Variants in PTPRD observed in about 807,000 individuals in gnomAD.
PTPRD encodes the protein protein tyrosine phosphatase receptor type D, also known as receptor-type tyrosine-protein phosphatase delta.
Under a neutral mutation model 214.5 loss-of-function variants are expected in PTPRD, and 34 were observed. The ratio of observed to expected loss-of-function variants is 0.16; its 90% CI spans 0.12 to 0.21. The LOEUF (loss-of-function observed/expected upper bound fraction) is 0.21. PTPRD is among the 10% of genes least tolerant of loss of function. PTPRD has a pLI of 1.00. For missense variants in PTPRD, 2,545 were observed against 2,398.7 expected (o/e 1.06, Z -1.27); for synonymous variants, 1,128 against 845.7 (o/e 1.33, Z -5.79).
At chr9:10,312,298 G>A (rs1427416054) in intron 3 of PTPRD, among the ~76,000 whole-genome samples, 3 of 151,902 alleles carry the variant, frequency 2.0e-5, no homozygotes, top group Non-Finnish European at 4.4e-5. Flanking sequence ...TCCATTTGAG[G>A]CTATTTTGTA....
At chr9:10,425,232 T>A (rs1374539130) in intron 2 of PTPRD, among the ~76,000 whole-genome samples, 2 of 151,902 alleles carry the variant, frequency 1.3e-5, no homozygotes, top group Non-Finnish European at 2.9e-5. Flanking sequence ...GTTATTCAAA[T>A]GTTTGCTTCA....
At chr9:9,417,327 C>T (rs116765331) in intron 8 of PTPRD, among the ~76,000 whole-genome samples, 1,973 of 152,174 alleles carry the variant, frequency 0.013, 32 homozygotes, top group African/African-American at 0.045. Flanking sequence ...CCACAAACAT[C>T]AATAATTTTC....
At chr9:9,599,444 A>G (rs1363696155) in intron 7 of PTPRD, among the ~76,000 whole-genome samples, 3 of 152,058 alleles carry the variant, frequency 2.0e-5, no homozygotes, top group South Asian at 2.1e-4. Context: ...GATGTTCACC[A>G]TAACAGTGTT....
At chr9:9,286,073 A>G (rs967861484) in intron 9 of PTPRD, among the ~76,000 whole-genome samples, 1 of 151,776 alleles carries the variant, frequency 6.6e-6, no homozygotes, top group Non-Finnish European at 1.5e-5. Context: ...AAATGTTGTT[A>G]GTATACATAA....
chr9:9,548,637 A>T (rs1317193808), intron 8 of PTPRD, among the ~76,000 whole-genome samples: 1 of 151,812 alleles, frequency 6.6e-6, no homozygotes, highest in East Asian at 1.9e-4. Flanking sequence ...ACACTTTTAA[A>T]GTAAAGACAC....
chr9:10,203,578 T>A (rs1393836184), intron 3 of PTPRD, among the ~76,000 whole-genome samples: 2 of 152,202 alleles, frequency 1.3e-5, no homozygotes, highest in Non-Finnish European at 2.9e-5. Flanking sequence ...TTCATAGCCA[T>A]CTGCTCACAG....
At chr9:9,863,069 C>G (rs1313420630) in intron 5 of PTPRD, among the ~76,000 whole-genome samples, 1 of 152,002 alleles carries the variant, frequency 6.6e-6, no homozygotes, top group African/African-American at 2.4e-5. Context: ...ACTCATTCAA[C>G]AAAAATATTT....
intron 3 of PTPRD, among the ~76,000 whole-genome samples, chr9:10,049,249 C>T (rs756669970): frequency 4.7e-4 from 72 of 151,970 alleles, no homozygotes; most frequent in Non-Finnish European, 9.3e-4. Flanking sequence ...CCTCATTTTT[C>T]CAGGACAGAC....
intron 27 of PTPRD, among the ~76,000 whole-genome samples, chr9:8,492,649 C>A (rs2097174437): frequency 1.4e-5 from 2 of 147,440 alleles, no homozygotes; most frequent in Admixed American, 6.8e-5. Flanking sequence ...TATTGAATGA[C>A]TGATTGAATA....
intron 10 of PTPRD, among the ~76,000 whole-genome samples, chr9:9,099,224 T>C (rs181409626): frequency 6.6e-6 from 1 of 152,304 alleles, no homozygotes; most frequent in Non-Finnish European, 1.5e-5. Context: ...GCAATCCACG[T>C]AGATTAAAAC....
In PTPRD at chr9:8,567,759, T is replaced by C. The variant is rs117275149; in HGVS notation, c.353-38980A>G. On this transcript the variant is annotated intron_variant, in intron 14 of 45. Transcript: ENST00000381196. ...ACAACCTTTAGGCTGGAAGTAATTATAGATATTTTTAGTCTTATTTCTCTC... is the reference window on the plus strand; with the variant it reads ...ACAACCTTTAGGCTGGAAGTAATTACAGATATTTTTAGTCTTATTTCTCTC... Among the ~76,000 whole-genome samples, 471 of 152,286 alleles carry C rather than the reference T, an allele frequency of 3.1e-3. 13 individuals are homozygous for C. The East Asian group carries it at 0.061, about 20-fold the overall frequency.
chr9:9,531,141 T>C lies in PTPRD; in HGVS notation c.-237+43591A>G, dbSNP rs1385612074. Among the ~76,000 whole-genome samples, 3 of 152,168 alleles carry C rather than the reference T, an allele frequency of 2.0e-5. No homozygotes were observed. In the East Asian group the frequency reaches 5.8e-4, roughly 29 times the overall value. On this transcript the variant is annotated intron_variant, in intron 8 of 45. Transcript: ENST00000381196. ...CTATGCTGCAACAAATCCTCATATGTACCCCCAAAATGTGTAAATATGTAA... is the reference window on the plus strand; with the variant it reads ...CTATGCTGCAACAAATCCTCATATGCACCCCCAAAATGTGTAAATATGTAA...
At chr9:9,295,139 A>G (rs1254602930) in intron 9 of PTPRD, among the ~76,000 whole-genome samples, 1 of 151,788 alleles carries the variant, frequency 6.6e-6, no homozygotes, top group Non-Finnish European at 1.5e-5. Flanking sequence ...TCAGGAAAAT[A>G]AAATACGTCC....
At chr9:8,534,672 A>AAT (rs552451318) in intron 14 of PTPRD, among the ~76,000 whole-genome samples, 1 of 151,736 alleles carries the variant, frequency 6.6e-6, no homozygotes, top group Non-Finnish European at 1.5e-5. Context: ...CTGTCATTTT[A>AAT]ATATATATAA....
chr9:10,433,434 G>C (rs558098176), intron 2 of PTPRD, among the ~76,000 whole-genome samples: 7 of 152,048 alleles, frequency 4.6e-5, no homozygotes, highest in African/African-American at 1.7e-4. Context: ...ACACTGTAAA[G>C]CCAGTCCTAT....
At chr9:9,555,313 C>G (rs956222033) in intron 8 of PTPRD, among the ~76,000 whole-genome samples, 38 of 151,908 alleles carry the variant, frequency 2.5e-4, no homozygotes, top group Admixed American at 9.9e-4. Context: ...CTGAATGTTC[C>G]CCCCATAATT....
chr9:10,049,793 G>A (rs944964284), intron 3 of PTPRD, among the ~76,000 whole-genome samples: 38 of 152,172 alleles, frequency 2.5e-4, no homozygotes, highest in Admixed American at 6.6e-4. Flanking sequence ...CATGCTTGAT[G>A]AGTAGAAATG....
chr9:9,942,040 A>G (rs895284577), intron 4 of PTPRD, among the ~76,000 whole-genome samples: 1 of 152,186 alleles, frequency 6.6e-6, no homozygotes. Context: ...TGACTAGGTA[A>G]TGAATTCCTG....
chr9:9,839,436 G>T (rs201121831), intron 5 of PTPRD, among the ~76,000 whole-genome samples: 2 of 152,128 alleles, frequency 1.3e-5, no homozygotes, highest in African/African-American at 4.8e-5. Context: ...AAATCATGAG[G>T]GAACTCCCAT....
Sources: gnomAD v4.1 joint callset for allele counts (sites outside exome capture counted in the v4.1 genomes callset) on GRCh38, gnomAD v4.1.1 for gene constraint, MANE v1.5 for transcripts, NCBI Gene and HGNC (gene_info 2026-07-23, HGNC 2026-07-21) for gene names.